The following ARID5A variants were observed in gnomAD, a reference collection of about 807,000 sequenced individuals.
The protein encoded by ARID5A is AT-rich interactive domain-containing protein 5A.
In ARID5A, 14 loss-of-function variants were observed where a neutral mutation model predicts 30.5. The ratio of observed to expected loss-of-function variants is 0.46; its 90% CI spans 0.30 to 0.72. ARID5A has a LOEUF of 0.72. Ranked by LOEUF, ARID5A falls within the 30% of genes least tolerant of loss-of-function variation. The probability of loss-of-function intolerance (pLI) is 0.07; values close to 1 mark genes in which losing one functional copy is unlikely to be tolerated. For synonymous variants in ARID5A, 338 were observed against 340.4 expected (o/e 0.99, Z 0.08); for missense variants, 669 against 786.2 (o/e 0.85, Z 1.78).
chr2:96,538,371 A>G, intron 1 of ARID5A: 1 of 975,656 alleles, frequency 1.0e-6, no homozygotes, highest in African/African-American at 1.8e-5. Flanking sequence ...CCTCACATTC[A>G]GTGTCCCCCG....
intron 1 of ARID5A, among the ~76,000 whole-genome samples, chr2:96,546,414 A>T (rs2065929187): frequency 6.6e-6 from 1 of 152,252 alleles, no homozygotes; most frequent in African/African-American, 2.4e-5. Context: ...GCAGTGGCAG[A>T]GGTGTTGCGT....
chr2:96,550,481 C>A lies in ARID5A; in HGVS notation c.411-93C>A. 1 of 1,471,576 alleles carries A rather than the reference C, an allele frequency of 6.8e-7. No homozygotes were observed. The highest frequency in any genetic ancestry group is 1.4e-5 in the South Asian group (1 of 73,246). The allele number at this position is 1,471,576 out of a possible 1,614,324, so 91.2% of individuals were successfully genotyped here. ...GGGACCAGGAGAGGGCCTTCCTCGGCGCCGGCGGGGAAGGGGGCTCAGAGG... is the reference window on the plus strand; with the variant it reads ...GGGACCAGGAGAGGGCCTTCCTCGGAGCCGGCGGGGAAGGGGGCTCAGAGG... On this transcript the variant is annotated intron_variant, in intron 5 of 6. Transcript: ENST00000357485. The surrounding 1 kb of genome is among the most constrained non-coding windows in gnomAD (Gnocchi z 6.6).
chr2:96,539,834 C>T lies in ARID5A; in HGVS notation c.4+3004C>T, dbSNP rs191515480. ...GCTCTTGTTAGCAGAGTGACAGGAG[C>T]GATGTGCTGGGAAACTGCACATCTA... On this transcript the variant is annotated intron_variant, in intron 1 of 6. Coordinates refer to ENST00000357485, the MANE Select transcript of ARID5A (RefSeq NM_212481.3). The surrounding 1 kb of genome is among the most constrained non-coding windows in gnomAD (Gnocchi z 4.7). Among the ~76,000 whole-genome samples, 16 of 152,158 alleles carry T rather than the reference C, an allele frequency of 1.1e-4. No homozygotes were observed. Among genetic ancestry groups the T allele is most frequent in the East Asian group, 9.7e-4 (5 of 5,168 alleles).
In ARID5A at chr2:96,551,966, G is replaced by A; in HGVS notation, c.1438G>A (p.Gly480Arg). ...DAKKCGAKPA[G>R]SGLVSCLLGP... ...CAAGAAGTGTGGGGCCAAACCTGCAGGGTCCGGCCTGGTCTCCTGCCTTCT... is the reference window on the plus strand; with the variant it reads ...CAAGAAGTGTGGGGCCAAACCTGCAAGGTCCGGCCTGGTCTCCTGCCTTCT... The change falls in exon 7 of 7, where the codon GGG becomes AGG. Residue 480 changes from glycine (G) to arginine (R), a missense_variant. By Grantham distance (125) the Gly-to-Arg change is moderately radical. This residue lies in a region of ARID5A where 548 missense variants were observed against 577.4 expected (regional missense o/e 0.95). Transcript: ENST00000357485. The A allele has an allele frequency of 6.6e-7, 1 of 1,519,452 alleles. No homozygotes were observed. Among genetic ancestry groups the A allele is most frequent in the Non-Finnish European group, 8.8e-7 (1 of 1,134,662 alleles). 94.1% of individuals were successfully genotyped at this position (1,519,452 alleles called of 1,614,324 possible).
At position 96,551,110 on chromosome 2, in the gene ARID5A, A is replaced by G; in HGVS notation, c.582A>G (p.Gly194=). ...EERRMDQMMP[G]KTKADAADPA... ...TTCTCTCATTCCAGATGATGCCAGG[A>G]AAGACCAAAGCAGATGCTGCTGACC... is the stretch of plus-strand genomic sequence containing the variant. Residue 194 remains glycine (G), a synonymous_variant, in exon 7 of 7, where the codon GGA becomes GGG. Coordinates refer to ENST00000357485, the MANE Select transcript of ARID5A (RefSeq NM_212481.3). 1 of 1,611,058 alleles carries G rather than the reference A, an allele frequency of 6.2e-7. No individual in the cohort carries two copies. Among genetic ancestry groups the G allele is most frequent in the Non-Finnish European group, 8.5e-7 (1 of 1,178,446 alleles).
In ARID5A at chr2:96,550,400, C is replaced by T. The variant is rs1235344478; in HGVS notation, c.410+115C>T. Reference sequence around the variant, plus strand: ...GAGCGGGCAGGGTATGCGCCGTCCTCAGAGCTGCGGGAGCCCAGGCTGGCT... The same window carrying T: ...GAGCGGGCAGGGTATGCGCCGTCCTTAGAGCTGCGGGAGCCCAGGCTGGCT... On this transcript the variant is annotated intron_variant, in intron 5 of 6. Transcript: ENST00000357485. The surrounding 1 kb of genome is among the most constrained non-coding windows in gnomAD (Gnocchi z 6.6). The T allele has an allele frequency of 1.4e-6, 2 of 1,433,124 alleles. No individual in the cohort carries two copies. The highest frequency in any genetic ancestry group is 1.4e-5 in the African/African-American group (1 of 69,376). 88.8% of individuals were successfully genotyped at this position (1,433,124 alleles called of 1,614,324 possible).
chr2:96,537,655 C>T lies in ARID5A; in HGVS notation c.4+825C>T, dbSNP rs2065762828. ...GAGCGTCAGGGGAAGAGGGCAAGAG[C>T]GTGGGCTACGAGCTTGCAGGCGATG... On this transcript the variant is annotated intron_variant, in intron 1 of 6. Coordinates refer to ENST00000357485, the MANE Select transcript of ARID5A (RefSeq NM_212481.3). This position sits in a 1 kb window ranked among gnomAD's most constrained non-coding sequence, Gnocchi z 4.8. 2.6e-5 allele frequency: 4 copies of T among 155,830 alleles called. No individual in the cohort carries two copies. The South Asian group carries it at 8.2e-4, about 32-fold the overall frequency. 9.7% of individuals were successfully genotyped at this position (155,830 alleles called of 1,614,324 possible).
rs150726674 is a variant in ARID5A at position 96,551,870 on chromosome 2, G to A, written c.1342G>A (p.Glu448Lys). ...AGGCCTGGGCAGCAAGCGCAGCCTG[G>A]AGGAAGAGGGTGCTGCCCACAGTGG... ...SPGLGSKRSL[E>K]EEGAAHSGKR... The change falls in exon 7 of 7, where the codon GAG becomes AAG. Residue 448 changes from glutamate to lysine, a missense_variant. Around this residue, in one of 4 missense-constraint regions of ARID5A, gnomAD observed 548 missense variants for 577.4 expected, o/e 0.95. Coordinates refer to ENST00000357485, the MANE Select transcript of ARID5A (RefSeq NM_212481.3). The A allele has an allele frequency of 1.8e-4, 278 of 1,581,686 alleles. 2 individuals carry two copies. Among genetic ancestry groups the A allele is most frequent in the Middle Eastern group, 1.7e-4 (1 of 5,922 alleles).
rs1477311235 is a variant in ARID5A, at chr2:96,549,614, C to T, written c.260-139C>T. On this transcript the variant is annotated intron_variant, in intron 3 of 6. Transcript: ENST00000357485. This position sits in a 1 kb window ranked among gnomAD's most constrained non-coding sequence, Gnocchi z 6.1. ...CACTGGGCCAGGGGTGCACAGGGCA[C>T]AGCCTGCCCGTCTATTGCAGTGGCC... is the stretch of plus-strand genomic sequence containing the variant. 1.3e-6 allele frequency: 2 copies of T among 1,495,076 alleles called. No homozygotes were observed. The highest frequency in any genetic ancestry group is 2.8e-5 in the African/African-American group (2 of 72,592). 92.6% of individuals were successfully genotyped at this position (1,495,076 alleles called of 1,614,324 possible). A position where few individuals can be genotyped will look rare whatever the true frequency, so the allele number is the denominator to read the frequency against.
In ARID5A at chr2:96,550,405, C is replaced by T; in HGVS notation, c.410+120C>T. On this transcript the variant is annotated intron_variant, in intron 5 of 6. Coordinates refer to ENST00000357485, the MANE Select transcript of ARID5A (RefSeq NM_212481.3). The surrounding 1 kb of genome is among the most constrained non-coding windows in gnomAD (Gnocchi z 6.6). ...GGCAGGGTATGCGCCGTCCTCAGAG[C>T]TGCGGGAGCCCAGGCTGGCTGGGCG... is the stretch of plus-strand genomic sequence containing the variant. 1.4e-6 allele frequency: 2 copies of T among 1,431,846 alleles called. No homozygotes were observed. The allele number at this position is 1,431,846 out of a possible 1,614,324, so 88.7% of individuals were successfully genotyped here. A position where few individuals can be genotyped will look rare whatever the true frequency, so the allele number is the denominator to read the frequency against.
chr2:96,547,120 C>T (rs1180163933), intron 1 of ARID5A, among the ~76,000 whole-genome samples: 1 of 150,826 alleles, frequency 6.6e-6, no homozygotes, highest in Non-Finnish European at 1.5e-5. Flanking sequence ...AGCCTATGTG[C>T]AGCCAGGGAC....
chr2:96,551,185 G>A lies in ARID5A; in HGVS notation c.657G>A (p.Gln219=), dbSNP rs2066033307. The A allele has an allele frequency of 1.2e-6, 2 of 1,613,888 alleles. No individual in the cohort carries two copies. Among genetic ancestry groups the A allele is most frequent in the Admixed American group, 1.7e-5 (1 of 60,008 alleles). Residue 219 remains glutamine, a synonymous_variant, in exon 7 of 7, where the codon CAG becomes CAA. Transcript: ENST00000357485. ...QEPPRNSTEQ[Q]GLASGSSVSF... is the part of the protein sequence containing the mutation. ...CCCCCAGGAACAGCACAGAACAGCA[G>A]GGCCTGGCCTCTGGGTCTTCTGTGT...
At position 96,552,511 on chromosome 2, in the gene ARID5A, G is replaced by A; in HGVS notation, c.*198G>A. On this transcript the variant is annotated 3_prime_UTR_variant, in exon 7 of 7. Coordinates refer to ENST00000357485, the MANE Select transcript of ARID5A (RefSeq NM_212481.3). The stretch of plus-strand genomic sequence containing the variant: ...TCAAGGCAGCAGCCTGAGCCCAGGA[G>A]CAGAGGACCCAGTTGTTATAAGGCG... The A allele has an allele frequency of 6.5e-7, 1 of 1,534,250 alleles. No individual in the cohort carries two copies. Among genetic ancestry groups the A allele is most frequent in the Non-Finnish European group, 8.7e-7 (1 of 1,145,988 alleles).
intron 2 of ARID5A, among the ~76,000 whole-genome samples, chr2:96,548,362 T>C (rs1024302402): frequency 9.2e-5 from 14 of 152,148 alleles, no homozygotes; most frequent in Middle Eastern, 3.4e-3. Flanking sequence ...AGCTCCTGGG[T>C]TCAAATGATT....
intron 1 of ARID5A, among the ~76,000 whole-genome samples, chr2:96,544,224 G>A (rs546995696): frequency 6.6e-6 from 1 of 152,366 alleles, no homozygotes; most frequent in South Asian, 2.1e-4. Flanking sequence ...TGTAGAAGCT[G>A]CAGCAATTTA....
chr2:96,543,486 C>A (rs757741506), intron 1 of ARID5A, among the ~76,000 whole-genome samples: 1 of 152,106 alleles, frequency 6.6e-6, no homozygotes, highest in Non-Finnish European at 1.5e-5. Context: ...GTGATTCTTA[C>A]AACATTTCAA....
chr2:96,552,431 G>A lies in ARID5A; in HGVS notation c.*118G>A, dbSNP rs1346143656. The A allele has an allele frequency of 6.4e-7, 1 of 1,558,158 alleles. No homozygotes were observed. The highest frequency in any genetic ancestry group is 1.4e-5 in the African/African-American group (1 of 73,350). ...CCCAGGACACCCGGGCCATGCCCCT[G>A]GCTGGGCAGCCTGGCACAAGTGAAG... On this transcript the variant is annotated 3_prime_UTR_variant, in exon 7 of 7. Transcript: ENST00000357485.
At position 96,537,400 on chromosome 2, in the gene ARID5A, A is replaced by T. The variant is rs749027; in HGVS notation, c.4+570A>T. The T allele has an allele frequency of 6.6e-6, 1 of 152,254 alleles. No homozygotes were observed. The highest frequency in any genetic ancestry group is 1.5e-5 in the Non-Finnish European group (1 of 68,148). 9.4% of individuals were successfully genotyped at this position (152,254 alleles called of 1,614,324 possible). A position where few individuals can be genotyped will look rare whatever the true frequency, so the allele number is the denominator to read the frequency against. On this transcript the variant is annotated intron_variant, in intron 1 of 6. Transcript: ENST00000357485. This position sits in a 1 kb window ranked among gnomAD's most constrained non-coding sequence, Gnocchi z 4.8. Reference sequence around the variant, plus strand: ...GAACTTGCTCAATGCGCTTTGTAGGATCCACTGTTCCTCTTTCGGCCGCGG... The same window carrying T: ...GAACTTGCTCAATGCGCTTTGTAGGTTCCACTGTTCCTCTTTCGGCCGCGG...
intron 2 of ARID5A, among the ~76,000 whole-genome samples, chr2:96,548,339 C>T (rs911111411): frequency 2.0e-4 from 30 of 152,104 alleles, no homozygotes; most frequent in African/African-American, 6.8e-4. Flanking sequence ...AATCTTGGCT[C>T]ACTGCAACCT....
Sources: gnomAD v4.1 joint callset for allele counts (sites outside exome capture counted in the v4.1 genomes callset) on GRCh38, gnomAD v4.1.1 for gene constraint, gnomAD v4.1.1 regional missense constraint, Gnocchi (gnomAD v3.1) non-coding constraint, MANE v1.5 for transcripts, NCBI Gene and HGNC (gene_info 2026-07-23, HGNC 2026-07-21) for gene names.